MYH13: variants seen among roughly 807,000 people sequenced by gnomAD.
MYH13 encodes the protein myosin-13.
MYH13 carries 177 observed loss-of-function variants against 232.1 expected under a neutral mutation model. The observed-to-expected ratio is 0.76, with a 90% CI of 0.67 to 0.86. The LOEUF (loss-of-function observed/expected upper bound fraction) is 0.86. Ranked by LOEUF, MYH13 falls within the 40% of genes least tolerant of loss-of-function variation. The pLI is 0.00. For synonymous variants in MYH13, 884 were observed against 923.5 expected, an observed-to-expected ratio of 0.96 and a Z score of 0.78; for missense variants, 2,246 against 2,405.9, an observed-to-expected ratio of 0.93 and a Z score of 1.39.
chr17:10,315,147 C>T (rs146404128), intron 29 of MYH13, among the ~76,000 whole-genome samples: 3 of 152,252 alleles, frequency 2.0e-5, no homozygotes, highest in African/African-American at 7.2e-5. Flanking sequence ...TTTCTCAGAC[C>T]ACCCTGCGGG....
chr17:10,312,689 G>A lies in MYH13; in HGVS notation c.4250C>T (p.Ser1417Leu), dbSNP rs1290440648. Residue 1417 changes from serine (S) to leucine (L), a missense_variant, in exon 31 of 41, where the codon TCG becomes TTG. Coordinates refer to ENST00000252172, the MANE Select transcript of MYH13 (RefSeq NM_003802.3). The part of the protein sequence containing the change: ...NTETANSKCA[S>L]LEKTKQRLQG... ...CAGCCTCTGCTTGGTTTTCTCCAAC[G>A]ATGCGCACTTGGAGTTCGCCGTCTC... 2.5e-6 allele frequency: 4 copies of A among 1,613,402 alleles called. No individual in the cohort carries two copies. The highest frequency in any genetic ancestry group is 1.7e-5 in the Admixed American group (1 of 59,948).
intron 16 of MYH13, among the ~76,000 whole-genome samples, chr17:10,342,863 G>A (rs972775800): frequency 2.0e-5 from 3 of 152,138 alleles, no homozygotes; most frequent in South Asian, 4.1e-4. Flanking sequence ...GGTCGAGGCG[G>A]GTGGATCACA....
At chr17:10,337,736 C>T (rs1209045344) in intron 18 of MYH13, among the ~76,000 whole-genome samples, 2 of 152,278 alleles carry the variant, frequency 1.3e-5, no homozygotes, top group African/African-American at 2.4e-5. Flanking sequence ...AAAGGACAGA[C>T]ATTTCAGCAA....
At position 10,334,243 on chromosome 17, in the gene MYH13, G is replaced by A. The variant is rs536567467; in HGVS notation, c.2057-1052C>T. ...GGTGGGAGTGGTGGGGCCAAGGCTG[G>A]CTTTGACTTAACCTTAGGGAAGCTT... On this transcript the variant is annotated intron_variant, in intron 18 of 40. Coordinates refer to ENST00000252172, the MANE Select transcript of MYH13 (RefSeq NM_003802.3). 4.6e-5 allele frequency among the ~76,000 whole-genome samples: 7 copies of A among 152,208 alleles called. No individual in the cohort carries two copies. In the South Asian group the frequency reaches 1.2e-3, roughly 27 times the overall value.
chr17:10,367,919 T>G (rs75361879), intron 2 of MYH13, among the ~76,000 whole-genome samples: 2,714 of 152,338 alleles, frequency 0.018, 61 homozygotes, highest in East Asian at 0.045. Flanking sequence ...TACCAAAACT[T>G]GACAAGTGGT....
chr17:10,344,207 A>G (rs2071642483), intron 15 of MYH13, 98 bp from the exon 16 acceptor site: 2 of 1,502,786 alleles, frequency 1.3e-6, no homozygotes. Context: ...TCACTCTGGT[A>G]CCAGGAATGC....
chr17:10,357,635 G>A (rs149156841), intron 8 of MYH13, 100 bp downstream of exon 8: 28 of 991,610 alleles, frequency 2.8e-5, no homozygotes, highest in Non-Finnish European at 4.2e-5. Context: ...GTAGAAAAAG[G>A]CCCCCATATA....
chr17:10,351,234 A>AAAAAAAAAG (rs796765349), intron 11 of MYH13, among the ~76,000 whole-genome samples: 1 of 150,290 alleles, frequency 6.7e-6, no homozygotes. Context: ...AAAAAAAAAA[A>AAAAAAAAAG]AGAGAACTGA....
At chr17:10,365,840 GGTGTGTGTGTGT>G (rs150455118) in intron 2 of MYH13, among the ~76,000 whole-genome samples, 1,736 of 140,216 alleles carry the variant, frequency 0.012, 16 homozygotes, top group Non-Finnish European at 0.016. Context: ...CTTGCTGCAT[GGTGTGTGTGTGT>G]GTGTGTGTGT....
In MYH13 at chr17:10,315,675, C is replaced by G; in HGVS notation, c.3984+18G>C. On this transcript the variant is annotated intron_variant, in intron 29 of 40. Transcript: ENST00000252172. ...TATAGCCTGGCTTCTCAGGTTCAAT[C>G]TGACTCTATATCTTTACCTTGGTTT... The G allele has an allele frequency of 6.2e-7, 1 of 1,608,452 alleles. No individual in the cohort carries two copies. The highest frequency in any genetic ancestry group is 8.5e-7 in the Non-Finnish European group (1 of 1,176,234).
chr17:10,335,477 G>A (rs2142249667), intron 18 of MYH13, among the ~76,000 whole-genome samples: 1 of 152,322 alleles, frequency 6.6e-6, no homozygotes, highest in Admixed American at 6.5e-5. Flanking sequence ...TACAGGCCCG[G>A]TGCGATGGCT....
chr17:10,338,717 T>C (rs950008649), intron 18 of MYH13, among the ~76,000 whole-genome samples: 4 of 151,782 alleles, frequency 2.6e-5, no homozygotes, highest in Non-Finnish European at 4.4e-5. Flanking sequence ...TTTGTTTTTT[T>C]TGAGACGGAG....
At chr17:10,312,119 G>A (rs370966326) in intron 31 of MYH13, 43 bp from the exon 32 acceptor site, 34 of 1,608,424 alleles carry the variant, frequency 2.1e-5, no homozygotes, top group African/African-American at 2.0e-4. Flanking sequence ...GAAAGCAGGG[G>A]TGACTCAGAA....
chr17:10,367,039 G>C (rs1027396364), intron 2 of MYH13, among the ~76,000 whole-genome samples: 4 of 152,188 alleles, frequency 2.6e-5, no homozygotes, highest in Admixed American at 1.3e-4. Context: ...TGCTGGTTTA[G>C]AGTCTCTCAG....
chr17:10,305,103 A>G (rs1182567149), intron 37 of MYH13, among the ~76,000 whole-genome samples: 1 of 152,202 alleles, frequency 6.6e-6, no homozygotes, highest in African/African-American at 2.4e-5. Context: ...CAGGTTCTAC[A>G]AAACATTTGT....
At chr17:10,338,729 T>C (rs981469856) in intron 18 of MYH13, among the ~76,000 whole-genome samples, 4 of 140,156 alleles carry the variant, frequency 2.9e-5, no homozygotes, top group East Asian at 2.2e-4. Flanking sequence ...GAGACGGAGT[T>C]TCGCTCTGTC....
chr17:10,308,974 G>A (rs1906390185), intron 35 of MYH13, among the ~76,000 whole-genome samples: 1 of 152,162 alleles, frequency 6.6e-6, no homozygotes, highest in Non-Finnish European at 1.5e-5. Flanking sequence ...TTAATCCTTC[G>A]TTGCTCTGAT....
intron 2 of MYH13, among the ~76,000 whole-genome samples, chr17:10,368,764 T>G (rs1236778626): frequency 6.6e-6 from 1 of 152,186 alleles, no homozygotes; most frequent in African/African-American, 2.4e-5. Flanking sequence ...GACCACACTT[T>G]GAGAATGGCT....
intron 22 of MYH13, 57 bp downstream of exon 22, chr17:10,327,805 TCCTC>T: frequency 1.3e-6 from 2 of 1,577,620 alleles, no homozygotes; most frequent in Middle Eastern, 2.3e-4. Flanking sequence ...CCCTCAATGT[TCCTC>T]CCCCTTTTCT....
Sources: allele counts gnomAD v4.1 joint callset (sites outside exome capture counted in the v4.1 genomes callset), GRCh38; gene constraint gnomAD v4.1.1; transcripts MANE v1.5; gene names NCBI Gene and HGNC (gene_info 2026-07-23, HGNC 2026-07-21).